EZH2: variants seen among roughly 807,000 people sequenced by gnomAD.
EZH2 encodes the protein enhancer of zeste 2 polycomb repressive complex 2 subunit.
A neutral mutation model predicts 98.4 loss-of-function variants in EZH2; 18 were observed. That is an observed-to-expected ratio of 0.18 (90% CI 0.13 to 0.27). EZH2 has a LOEUF of 0.27. Ranked by LOEUF, EZH2 falls within the 10% of genes least tolerant of loss-of-function variation. The pLI, the probability that EZH2 is intolerant of heterozygous loss-of-function variation, is 1.00. For missense variants in EZH2, 470 were observed against 935.1 expected (o/e 0.50, Z 6.49); for synonymous variants, 338 against 312.3 (o/e 1.08, Z -0.87).
chr7:148,879,684 C>A (rs188732201), intron 1 of EZH2, among the ~76,000 whole-genome samples: 2 of 152,008 alleles, frequency 1.3e-5, no homozygotes, highest in East Asian at 1.9e-4. Flanking sequence ...AGTGACACTG[C>A]ATCTCAAAAA....
At chr7:148,820,637 C>T (rs1316804720) in intron 8 of EZH2, among the ~76,000 whole-genome samples, 2 of 151,556 alleles carry the variant, frequency 1.3e-5, no homozygotes, top group Non-Finnish European at 2.9e-5. Context: ...AGCAATTAGG[C>T]TCCAGACAGC....
At chr7:148,849,970 T>C (rs1218712123) in intron 1 of EZH2, among the ~76,000 whole-genome samples, 5 of 152,206 alleles carry the variant, frequency 3.3e-5, no homozygotes, top group African/African-American at 1.2e-4. Context: ...CAATAAGGCC[T>C]AGGGTAGTAA....
chr7:148,811,776 GA>G, intron 15 of EZH2, 56 bp from the exon 16 acceptor site: 1 of 1,397,848 alleles, frequency 7.2e-7, no homozygotes, highest in Non-Finnish European at 1.0e-6. Flanking sequence ...ATGGACTGGG[GA>G]CAAAGTAGAC....
chr7:148,819,828 C>T, intron 8 of EZH2, 141 bp from the exon 9 acceptor site: 1 of 673,308 alleles, frequency 1.5e-6, no homozygotes, highest in South Asian at 2.0e-5. Context: ...AACTTTCCTT[C>T]AGGCTCTTAC....
At chr7:148,847,450 G>T in intron 1 of EZH2, 145 bp from the exon 2 acceptor site, 1 of 988,190 alleles carries the variant, frequency 1.0e-6, no homozygotes. Context: ...GCTCATTTGT[G>T]CTGCATGGTT....
intron 19 of EZH2, 22 bp downstream of exon 19, chr7:148,809,049 G>A (rs1332088546): frequency 1.2e-6 from 2 of 1,600,866 alleles, no homozygotes; most frequent in Non-Finnish European, 1.7e-6. Flanking sequence ...TAGAGATCAT[G>A]CTAGAAATGT....
chr7:148,826,331 C>A, intron 8 of EZH2, 123 bp downstream of exon 8: 2 of 728,246 alleles, frequency 2.7e-6, no homozygotes, highest in Non-Finnish European at 3.9e-6. Flanking sequence ...ATACTGAGAT[C>A]TAAAGATATT....
At chr7:148,861,221 T>A (rs1385657705) in intron 1 of EZH2, among the ~76,000 whole-genome samples, 1 of 137,288 alleles carries the variant, frequency 7.3e-6, no homozygotes, top group East Asian at 2.1e-4. Flanking sequence ...TACTGTATTA[T>A]TTGTATCTTT....
intron 5 of EZH2, among the ~76,000 whole-genome samples, chr7:148,829,330 G>C (rs994823363): frequency 2.0e-5 from 3 of 152,158 alleles, no homozygotes; most frequent in African/African-American, 7.2e-5. Context: ...TTCAGGTACT[G>C]TAGTCCCTAG....
At chr7:148,869,338 C>CTTTTTTTTTTTTTTTTTTT (rs143589780) in intron 1 of EZH2, among the ~76,000 whole-genome samples, 1 of 80,290 alleles carries the variant, frequency 1.2e-5, no homozygotes. Flanking sequence ...CAGCAATAGC[C>CTTTTTTTTTTTTTTTTTTT]TTTTTTTTTT....
chr7:148,836,766 G>A (rs1811029231), intron 3 of EZH2: 2 of 457,684 alleles, frequency 4.4e-6, no homozygotes, highest in African/African-American at 2.0e-5. Flanking sequence ...TACATTTTCA[G>A]AGAAACACAG....
chr7:148,828,982 G>A, intron 5 of EZH2, 102 bp from the exon 6 acceptor site: 1 of 1,131,668 alleles, frequency 8.8e-7, no homozygotes, highest in South Asian at 1.5e-5. Context: ...CCTAGTAACT[G>A]GCACTAAAAC....
intron 1 of EZH2, among the ~76,000 whole-genome samples, chr7:148,868,449 CTCACGAGAACTCACTG>C (rs374883025): frequency 1.4e-4 from 21 of 152,236 alleles, no homozygotes; most frequent in East Asian, 9.7e-4. Context: ...ACAACCAGAT[CTCACGAGAACTCACTG>C]TCACGAGAAC....
At chr7:148,838,897 CA>C (rs1470580920) in intron 3 of EZH2, among the ~76,000 whole-genome samples, 5 of 151,994 alleles carry the variant, frequency 3.3e-5, no homozygotes, top group African/African-American at 1.2e-4. Flanking sequence ...TACTAAAATA[CA>C]AAAATTAGCC....
intron 1 of EZH2, 52 bp from the exon 2 acceptor site, chr7:148,847,357 G>C (rs1814413037): frequency 6.2e-7 from 1 of 1,600,252 alleles, no homozygotes; most frequent in Non-Finnish European, 8.5e-7. Flanking sequence ...GCCTGAATAT[G>C]ATCACCTGTG....
chr7:148,847,086 G>T, intron 2 of EZH2, 96 bp downstream of exon 2: 1 of 1,404,560 alleles, frequency 7.1e-7, no homozygotes. Context: ...ATACAAACTT[G>T]GCTAGAATTA....
chr7:148,809,797 G>A (rs1802533603), intron 17 of EZH2, among the ~76,000 whole-genome samples: 1 of 151,970 alleles, frequency 6.6e-6, no homozygotes, highest in Admixed American at 6.6e-5. Flanking sequence ...TTCCAACTAA[G>A]AGTTTCTCTG....
intron 1 of EZH2, among the ~76,000 whole-genome samples, chr7:148,874,509 C>G (rs1017482038): frequency 4.6e-5 from 7 of 152,164 alleles, no homozygotes; most frequent in African/African-American, 1.4e-4. Flanking sequence ...GAATCCACAG[C>G]CATGAGAAGA....
chr7:148,844,175 T>TGA (rs1813345331), intron 3 of EZH2, among the ~76,000 whole-genome samples: 1 of 152,182 alleles, frequency 6.6e-6, no homozygotes, highest in Non-Finnish European at 1.5e-5. Context: ...CTACCTGACC[T>TGA]ACTTCAGACT....
Sources: gnomAD v4.1 joint callset for allele counts (sites outside exome capture counted in the v4.1 genomes callset) on GRCh38, gnomAD v4.1.1 for gene constraint, MANE v1.5 for transcripts, NCBI Gene and HGNC (gene_info 2026-07-23, HGNC 2026-07-21) for gene names.